Variants in MECOM observed in about 807,000 individuals in gnomAD.
The protein encoded by MECOM is MDS1 and EVI1 complex locus, also known as histone-lysine N-methyltransferase MECOM.
Under a neutral mutation model 116.3 loss-of-function variants are expected in MECOM, and 13 were observed. The ratio of observed to expected loss-of-function variants is 0.11; its 90% CI spans 0.07 to 0.18. The LOEUF is 0.18. MECOM is among the 10% of genes least tolerant of loss of function. MECOM has a pLI of 1.00. For missense variants in MECOM, 1,299 were observed against 1,509.0 expected (o/e 0.86, Z 2.31); for synonymous variants, 528 against 535.2 (o/e 0.99, Z 0.19).
chr3:169,123,664 C>T lies in MECOM; in HGVS notation c.831-937G>A, dbSNP rs555134434. ...CCCCCAAATAAAGTAACCAGAGCTC[C>T]GTGGTAAAATAGCTTATTTCAAATC... On this transcript the variant is annotated intron_variant, in intron 5 of 16. Transcript: ENST00000651503. Among the ~76,000 whole-genome samples the T allele has an allele frequency of 1.4e-4, 22 of 152,014 alleles. No individual in the cohort carries two copies. The South Asian group carries it at 4.4e-3, about 30-fold the overall frequency.
chr3:169,120,984 A>C, intron 7 of MECOM, 72 bp downstream of exon 7: 1 of 1,490,956 alleles, frequency 6.7e-7, no homozygotes, highest in Non-Finnish European at 9.0e-7. Context: ...ATGTGCAGCC[A>C]CTCTCCTGGT....
At chr3:169,320,978 T>C (rs1002537963) in intron 2 of MECOM, among the ~76,000 whole-genome samples, 3 of 152,164 alleles carry the variant, frequency 2.0e-5, no homozygotes, top group African/African-American at 7.2e-5. Flanking sequence ...GAGGGGCTAA[T>C]AACTTACCAG....
At chr3:169,338,482 T>C (rs1475391780) in intron 2 of MECOM, among the ~76,000 whole-genome samples, 1 of 152,094 alleles carries the variant, frequency 6.6e-6, no homozygotes, top group African/African-American at 2.4e-5. Flanking sequence ...ACCCACTGAA[T>C]TGAAATGGTG....
At chr3:169,364,466 AG>A (rs1364452453) in intron 2 of MECOM, among the ~76,000 whole-genome samples, 3 of 152,018 alleles carry the variant, frequency 2.0e-5, no homozygotes, top group Non-Finnish European at 2.9e-5. Flanking sequence ...GTATAGACAT[AG>A]GTTGATTATC....
intron 2 of MECOM, among the ~76,000 whole-genome samples, chr3:169,225,473 G>C (rs981067692): frequency 6.6e-6 from 1 of 152,156 alleles, no homozygotes; most frequent in African/African-American, 2.4e-5. Flanking sequence ...TCAAGGACTG[G>C]TGATCTTAGC....
intron 1 of MECOM, among the ~76,000 whole-genome samples, chr3:169,594,805 A>T (rs1303723197): frequency 6.7e-6 from 1 of 150,362 alleles, no homozygotes; most frequent in Non-Finnish European, 1.5e-5. Context: ...TAAAACAACA[A>T]GGCAACACAG....
intron 1 of MECOM, among the ~76,000 whole-genome samples, chr3:169,471,724 C>T (rs935790252): frequency 2.6e-5 from 4 of 152,208 alleles, no homozygotes; most frequent in African/African-American, 9.6e-5. Context: ...CATCACAATG[C>T]CTGGAATCAC....
chr3:169,390,623 C>T (rs1299353575), intron 1 of MECOM, among the ~76,000 whole-genome samples: 1 of 152,106 alleles, frequency 6.6e-6, no homozygotes, highest in African/African-American at 2.4e-5. Context: ...ATTAATGTGC[C>T]ATTGCTAATG....
At position 169,265,364 on chromosome 3, in the gene MECOM, A is replaced by T. The variant is rs545411229; in HGVS notation, c.375+115823T>A. Among the ~76,000 whole-genome samples, 5 of 152,350 alleles carry T rather than the reference A, an allele frequency of 3.3e-5. No homozygotes were observed. The South Asian group carries it at 1.0e-3, about 32-fold the overall frequency. ...CAGAGATGGGCTCCAAAGAAACTCC[A>T]TTACTTGAAAATCAATATATTTGCA... is the stretch of plus-strand genomic sequence containing the variant. On this transcript the variant is annotated intron_variant, in intron 2 of 16. Coordinates refer to ENST00000651503, the MANE Select transcript of MECOM (RefSeq NM_004991.4).
chr3:169,258,285 AAGAACTAT>A (rs1397659538), intron 2 of MECOM, among the ~76,000 whole-genome samples: 1 of 152,196 alleles, frequency 6.6e-6, no homozygotes, highest in Non-Finnish European at 1.5e-5. Flanking sequence ...TACATTGGGA[AAGAACTAT>A]AGAACTATAG....
Position 169,113,452 on chromosome 3 carries a change from A to C in MECOM, c.2490-578T>G, listed in dbSNP as rs541711165. Among the ~76,000 whole-genome samples the C allele has an allele frequency of 3.2e-5, 3 of 92,486 alleles. No individual in the cohort carries two copies. The East Asian group carries it at 9.1e-4, about 28-fold the overall frequency. 60.7% of individuals were successfully genotyped at this position (92,486 alleles called of 152,430 possible). A position where few individuals can be genotyped will look rare whatever the true frequency, so the allele number is the denominator to read the frequency against. On this transcript the variant is annotated intron_variant, in intron 8 of 16. Coordinates refer to ENST00000651503, the MANE Select transcript of MECOM (RefSeq NM_004991.4). ...ATTTTATGTAAATTATATTTAATAT[A>C]TATTCAGAGAGAGAGAGAGAATATA...
chr3:169,554,668 A>G (rs1324063936), intron 1 of MECOM, among the ~76,000 whole-genome samples: 1 of 152,164 alleles, frequency 6.6e-6, no homozygotes, highest in African/African-American at 2.4e-5. Context: ...ATATTCTTAA[A>G]CCCATAGTTT....
intron 1 of MECOM, among the ~76,000 whole-genome samples, chr3:169,485,171 T>C (rs1751964938): frequency 6.6e-6 from 1 of 152,068 alleles, no homozygotes; most frequent in Non-Finnish European, 1.5e-5. Context: ...AGTTTTGTAT[T>C]TAGAGTAGAG....
intron 1 of MECOM, among the ~76,000 whole-genome samples, chr3:169,440,670 G>T (rs1425685130): frequency 6.6e-6 from 1 of 152,164 alleles, no homozygotes; most frequent in Admixed American, 6.5e-5. Flanking sequence ...CTTGTAATGA[G>T]ACCTGTTATC....
rs373555129 is a variant in MECOM at position 169,381,421 on chromosome 3, G to C, written c.141C>G (p.Cys47Trp). 6.2e-7 allele frequency: 1 copy of C among 1,613,844 alleles called. No individual in the cohort carries two copies. The highest frequency in any genetic ancestry group is 8.5e-7 in the Non-Finnish European group (1 of 1,179,806). ...STPSLNIQEP[C>W]SPATSSEAFT... ...ATGCTTCACTGGATGTGGCAGGAGA[G>C]CATGGCTCTTGAATATTGAGGGAGG... The change falls in exon 2 of 17, where the codon TGC becomes TGG. Residue 47 changes from cysteine to tryptophan, a missense_variant. Physicochemically the swap from Cys to Trp is radical, Grantham distance 215. Around this residue, in one of 6 missense-constraint regions of MECOM, gnomAD observed 374 missense variants for 433.4 expected, o/e 0.86. Coordinates refer to ENST00000651503, the MANE Select transcript of MECOM (RefSeq NM_004991.4).
intron 1 of MECOM, among the ~76,000 whole-genome samples, chr3:169,584,463 G>C (rs556051727): frequency 6.6e-6 from 1 of 151,662 alleles, no homozygotes; most frequent in Non-Finnish European, 1.5e-5. Flanking sequence ...TACTCAGGAG[G>C]CTGAGGCAGG....
intron 2 of MECOM, among the ~76,000 whole-genome samples, chr3:169,271,998 A>G (rs1348536475): frequency 3.3e-5 from 5 of 152,168 alleles, no homozygotes; most frequent in African/African-American, 1.2e-4. Context: ...TTCACCACAC[A>G]TTAACCCAGC....
At chr3:169,604,536 C>G (rs1280906236) in intron 1 of MECOM, among the ~76,000 whole-genome samples, 1 of 152,172 alleles carries the variant, frequency 6.6e-6, no homozygotes, top group Non-Finnish European at 1.5e-5. Context: ...GACTGGAGGA[C>G]TGGACTTGTG....
At chr3:169,367,211 C>T (rs1399291941) in intron 2 of MECOM, among the ~76,000 whole-genome samples, 1 of 152,068 alleles carries the variant, frequency 6.6e-6, no homozygotes, top group Non-Finnish European at 1.5e-5. Context: ...AAAGCAGCAC[C>T]TGCTGGATGT....
Sources: allele counts gnomAD v4.1 joint callset (sites outside exome capture counted in the v4.1 genomes callset), GRCh38; gene constraint gnomAD v4.1.1; regional missense constraint gnomAD v4.1.1; transcripts MANE v1.5; gene names NCBI Gene and HGNC (gene_info 2026-07-23, HGNC 2026-07-21).